EPHA5: variants seen among roughly 807,000 people sequenced by gnomAD.
The protein encoded by EPHA5 is EPH receptor A5.
In EPHA5, 60 loss-of-function variants were observed where a neutral mutation model predicts 105.0. That is an observed-to-expected ratio of 0.57 (90% CI 0.46 to 0.71). EPHA5 has a LOEUF of 0.71. EPHA5 is among the 30% of genes least tolerant of loss of function. The pLI is 0.00. For missense variants in EPHA5, 1,218 were observed against 1,274.7 expected (o/e 0.96, Z 0.68); for synonymous variants, 513 against 449.1 (o/e 1.14, Z -1.80).
chr4:65,365,746 G>C (rs1409211557), intron 10 of EPHA5, among the ~76,000 whole-genome samples, 186 bp downstream of exon 10: 1 of 139,612 alleles, frequency 7.2e-6, no homozygotes, highest in Non-Finnish European at 1.6e-5. Flanking sequence ...TTATAAACCA[G>C]ATATTTGCTG....
At chr4:65,469,091 A>G (rs56400962) in intron 5 of EPHA5, among the ~76,000 whole-genome samples, 9,345 of 151,966 alleles carry the variant, frequency 0.061, 971 homozygotes, top group African/African-American at 0.21. Context: ...CTTCTGGATG[A>G]TGTGGTATGC....
intron 1 of EPHA5, among the ~76,000 whole-genome samples, chr4:65,659,021 T>C (rs1358294195): frequency 1.3e-5 from 2 of 151,962 alleles, no homozygotes; most frequent in African/African-American, 2.4e-5. Context: ...GAAAAAAGCA[T>C]CCAAAGGGTT....
At chr4:65,533,679 A>T (rs1466399398) in intron 3 of EPHA5, among the ~76,000 whole-genome samples, 1 of 152,202 alleles carries the variant, frequency 6.6e-6, no homozygotes, top group East Asian at 1.9e-4. Flanking sequence ...TCACGCCTGT[A>T]ATCCCAGAAC....
chr4:65,477,858 T>C (rs920887171), intron 5 of EPHA5, among the ~76,000 whole-genome samples: 2 of 152,130 alleles, frequency 1.3e-5, no homozygotes, highest in Non-Finnish European at 2.9e-5. Flanking sequence ...AGCCATCATG[T>C]CTCTGACATC....
intron 5 of EPHA5, among the ~76,000 whole-genome samples, chr4:65,422,645 T>C (rs1275065271): frequency 6.6e-6 from 1 of 152,076 alleles, no homozygotes; most frequent in African/African-American, 2.4e-5. Context: ...CTTTAAGATA[T>C]GTGGAAATAT....
rs1357467561 is a variant in EPHA5 at position 65,337,690 on chromosome 4, A to AATACCC, written c.2596-1571_2596-1566dup. Among the ~76,000 whole-genome samples, 4 of 152,174 alleles carry AATACCC rather than the reference A, an allele frequency of 2.6e-5. No homozygotes were observed. In the East Asian group the frequency reaches 7.8e-4, roughly 30 times the overall value. On this transcript the variant is annotated intron_variant, in intron 14 of 16. Transcript: ENST00000613740. ...CTTCTTTTATTTGAAGTGAGTAGAG[A>AATACCC]ATACCCAGATGGCAATTTGCAGGAA...
chr4:65,490,146 T>TA (rs1731258157), intron 5 of EPHA5, among the ~76,000 whole-genome samples: 1 of 152,216 alleles, frequency 6.6e-6, no homozygotes, highest in Admixed American at 6.5e-5. Context: ...AAAATTCAAT[T>TA]AAAAAATGTT....
chr4:65,393,168 G>A (rs1174504005), intron 8 of EPHA5, among the ~76,000 whole-genome samples: 1 of 152,162 alleles, frequency 6.6e-6, no homozygotes, highest in African/African-American at 2.4e-5. Flanking sequence ...AATGGAGGAT[G>A]TGAAAAAGAG....
At chr4:65,441,967 T>C (rs1303696479) in intron 5 of EPHA5, among the ~76,000 whole-genome samples, 1 of 152,174 alleles carries the variant, frequency 6.6e-6, no homozygotes, top group Non-Finnish European at 1.5e-5. Flanking sequence ...GTGTTTGACA[T>C]AGATTTCACC....
intron 1 of EPHA5, among the ~76,000 whole-genome samples, chr4:65,659,748 G>A (rs1334153998): frequency 6.6e-6 from 1 of 151,976 alleles, no homozygotes; most frequent in African/African-American, 2.4e-5. Flanking sequence ...TTTTAAAAGT[G>A]GATCTAAATA....
At chr4:65,368,739 G>T (rs1316221607) in intron 8 of EPHA5, among the ~76,000 whole-genome samples, 1 of 152,042 alleles carries the variant, frequency 6.6e-6, no homozygotes, top group African/African-American at 2.4e-5. Flanking sequence ...ATAATATAAA[G>T]ATTCCTAAAT....
Position 65,507,442 on chromosome 4 carries a change from A to G in EPHA5, c.911-11899T>C, listed in dbSNP as rs570530197. Among the ~76,000 whole-genome samples the G allele has an allele frequency of 5.3e-5, 8 of 152,262 alleles. No individual in the cohort carries two copies. In the South Asian group the frequency reaches 1.0e-3, roughly 20 times the overall value. On this transcript the variant is annotated intron_variant, in intron 3 of 16. Coordinates refer to ENST00000613740, the MANE Select transcript of EPHA5 (RefSeq NM_001281766.3). Reference sequence around the variant, plus strand: ...GCTTAATGGGGATGGCATTGAATCTATAAATTACCTTGGGCAGTATGGCCA... The same window carrying G: ...GCTTAATGGGGATGGCATTGAATCTGTAAATTACCTTGGGCAGTATGGCCA...
chr4:65,548,464 A>G (rs1379069767), intron 3 of EPHA5, among the ~76,000 whole-genome samples: 2 of 151,920 alleles, frequency 1.3e-5, no homozygotes, highest in Non-Finnish European at 2.9e-5. Context: ...ACATACCTCT[A>G]ATTGTCACAG....
chr4:65,616,351 C>T (rs1020944482), intron 2 of EPHA5, among the ~76,000 whole-genome samples: 2 of 151,322 alleles, frequency 1.3e-5, no homozygotes, highest in African/African-American at 4.9e-5. Flanking sequence ...GATCTTGTGG[C>T]ATTGTCTCTG....
At chr4:65,488,091 A>G (rs1448881404) in intron 5 of EPHA5, among the ~76,000 whole-genome samples, 1 of 152,318 alleles carries the variant, frequency 6.6e-6, no homozygotes, top group South Asian at 2.1e-4. Context: ...TGTGAATATA[A>G]AAATTTGTTT....
chr4:65,474,488 T>C (rs1479178795), intron 5 of EPHA5, among the ~76,000 whole-genome samples: 1 of 152,152 alleles, frequency 6.6e-6, no homozygotes, highest in East Asian at 1.9e-4. Flanking sequence ...GCAGAACAGG[T>C]CATATCCTCA....
chr4:65,326,842 G>A (rs1333552468), intron 16 of EPHA5, among the ~76,000 whole-genome samples: 1 of 151,058 alleles, frequency 6.6e-6, no homozygotes, highest in African/African-American at 2.4e-5. Flanking sequence ...GGAATTATTA[G>A]GAATGAGCCT....
chr4:65,628,568 A>G (rs1342244733), intron 2 of EPHA5, among the ~76,000 whole-genome samples: 1 of 152,136 alleles, frequency 6.6e-6, no homozygotes, highest in Non-Finnish European at 1.5e-5. Context: ...TAAAAAATAA[A>G]CGTTATAAGA....
chr4:65,413,538 TA>T (rs1479269041), intron 7 of EPHA5, among the ~76,000 whole-genome samples: 2 of 152,108 alleles, frequency 1.3e-5, no homozygotes, highest in Non-Finnish European at 2.9e-5. Context: ...TTCTTTATTT[TA>T]AAATTACTAG....
Sources: gnomAD v4.1 joint callset for allele counts (sites outside exome capture counted in the v4.1 genomes callset) on GRCh38, gnomAD v4.1.1 for gene constraint, MANE v1.5 for transcripts, NCBI Gene and HGNC (gene_info 2026-07-23, HGNC 2026-07-21) for gene names.